Variants in RNF144A observed in about 807,000 individuals in gnomAD.
The protein encoded by RNF144A is ring finger protein 144A, also known as E3 ubiquitin-protein ligase RNF144A.
A neutral mutation model predicts 38.7 loss-of-function variants in RNF144A; 11 were observed. The ratio of observed to expected loss-of-function variants is 0.28; its 90% confidence interval spans 0.18 to 0.47. The LOEUF is 0.47. Ranked by LOEUF, RNF144A falls within the 20% of genes least tolerant of loss-of-function variation. The pLI, the probability that RNF144A is intolerant of heterozygous loss-of-function variation, is 0.99. For missense variants in RNF144A, 316 were observed against 377.2 expected (o/e 0.84, Z 1.34); for synonymous variants, 149 against 143.9 (o/e 1.04, Z -0.25).
chr2:7,019,396 A>G (rs956637463), intron 5 of RNF144A, among the ~76,000 whole-genome samples: 12 of 152,240 alleles, frequency 7.9e-5, no homozygotes, highest in African/African-American at 2.4e-4. Context: ...TAGGAATCCC[A>G]TGTGTGACAC....
At chr2:6,993,677 G>T (rs1014690136) in intron 2 of RNF144A, among the ~76,000 whole-genome samples, 2 of 152,172 alleles carry the variant, frequency 1.3e-5, no homozygotes, top group African/African-American at 2.4e-5. Context: ...GTGCATGGCT[G>T]TCGATAAGGG....
chr2:6,952,239 A>T (rs1386638484), intron 2 of RNF144A, among the ~76,000 whole-genome samples: 2 of 152,122 alleles, frequency 1.3e-5, no homozygotes, highest in East Asian at 3.8e-4. Flanking sequence ...TTATACTTCT[A>T]AGAGAAATCT....
At chr2:7,019,947 TAGA>T (rs577450702) in intron 5 of RNF144A, among the ~76,000 whole-genome samples, 20 of 152,206 alleles carry the variant, frequency 1.3e-4, no homozygotes, top group Non-Finnish European at 2.9e-4. Context: ...ACCATTTGGT[TAGA>T]AGAACAATCC....
chr2:6,963,420 G>A (rs181238318), intron 2 of RNF144A, among the ~76,000 whole-genome samples: 7 of 152,152 alleles, frequency 4.6e-5, no homozygotes, highest in Non-Finnish European at 7.3e-5. Context: ...TTCTGAGCTC[G>A]TAGACATTCC....
Position 7,037,851 on chromosome 2 carries a change from A to G in RNF144A, c.748-1778A>G, listed in dbSNP as rs764424153. On this transcript the variant is annotated intron_variant, in intron 8 of 8. Transcript: ENST00000320892. The stretch of plus-strand genomic sequence containing the variant: ...AGATGAGAAAACAGACCCAGGGAGA[A>G]GTGAAGGCTGAGTTGGAATGAGAAC... Among the ~76,000 whole-genome samples the G allele has an allele frequency of 3.9e-5, 6 of 152,204 alleles. No homozygotes were observed. The South Asian group carries it at 1.0e-3, about 26-fold the overall frequency.
chr2:7,019,527 G>A (rs1406359334), intron 5 of RNF144A, among the ~76,000 whole-genome samples: 6 of 152,156 alleles, frequency 3.9e-5, no homozygotes, highest in South Asian at 2.1e-4. Flanking sequence ...GAAGAGCCCC[G>A]CTGAAAACTT....
At chr2:7,072,358 A>C (rs915877626), downstream of RNF144A, among the ~76,000 whole-genome samples, 2 of 152,220 alleles carry the variant, frequency 1.3e-5, no homozygotes, top group African/African-American at 2.4e-5. Flanking sequence ...TAACAGAGGA[A>C]ATTTCAAAGC....
At chr2:7,008,983 T>C (rs1051194345) in intron 3 of RNF144A, among the ~76,000 whole-genome samples, 3 of 152,148 alleles carry the variant, frequency 2.0e-5, no homozygotes, top group Non-Finnish European at 4.4e-5. Flanking sequence ...ACAAAATCAT[T>C]CCGTCCACAT....
At chr2:7,044,453 A>T (rs1341830117), downstream of RNF144A, among the ~76,000 whole-genome samples, 2 of 152,212 alleles carry the variant, frequency 1.3e-5, no homozygotes, top group Admixed American at 1.3e-4. Flanking sequence ...CCGTCCAGCC[A>T]TTCCTGGCTC....
At chr2:6,939,999 GT>G (rs1182532358) in intron 1 of RNF144A, among the ~76,000 whole-genome samples, 1 of 151,870 alleles carries the variant, frequency 6.6e-6, no homozygotes, top group Non-Finnish European at 1.5e-5. Context: ...ACTCCCCCAA[GT>G]TTTTTTTCTT....
chr2:6,945,859 G>A (rs1010774230), intron 2 of RNF144A, among the ~76,000 whole-genome samples: 2 of 152,128 alleles, frequency 1.3e-5, no homozygotes, highest in Admixed American at 1.3e-4. Flanking sequence ...GCAGTTTTGA[G>A]CCTGCTGTGA....
chr2:7,028,731 A>G (rs1672085217), intron 7 of RNF144A, among the ~76,000 whole-genome samples: 1 of 152,218 alleles, frequency 6.6e-6, no homozygotes, highest in African/African-American at 2.4e-5. Flanking sequence ...GAGAGCTCAC[A>G]GTGATGGAAG....
At chr2:6,920,005 C>T (rs1326566319) in intron 1 of RNF144A, among the ~76,000 whole-genome samples, 2 of 152,204 alleles carry the variant, frequency 1.3e-5, no homozygotes, top group African/African-American at 4.8e-5. Context: ...TAGAGTAAGT[C>T]ACGTCTCCTG....
At chr2:6,923,626 C>T (rs1348920016) in intron 1 of RNF144A, among the ~76,000 whole-genome samples, 1 of 152,186 alleles carries the variant, frequency 6.6e-6, no homozygotes, top group Non-Finnish European at 1.5e-5. Context: ...TGGAGATGCT[C>T]TCCTCTGACA....
At chr2:6,979,374 T>G (rs1668495751) in intron 2 of RNF144A, among the ~76,000 whole-genome samples, 1 of 152,120 alleles carries the variant, frequency 6.6e-6, no homozygotes. Context: ...TCTGTGTGAT[T>G]ATGATTGGGG....
Position 7,041,617 on chromosome 2 carries a change from T to C in RNF144A, c.*1857T>C. On this transcript the variant is annotated 3_prime_UTR_variant, in exon 9 of 9. Coordinates refer to ENST00000320892, the MANE Select transcript of RNF144A (RefSeq NM_014746.6). ...GGGTGGCAACTCCACGCGGGAGTCA[T>C]TGGCTGGGCTTGAGCCCTCAGCCTG... The C allele has an allele frequency of 3.0e-6, 3 of 985,788 alleles. No homozygotes were observed. The highest frequency in any genetic ancestry group is 3.6e-6 in the Non-Finnish European group (3 of 829,984). 61.1% of individuals were successfully genotyped at this position (985,788 alleles called of 1,614,324 possible). A position where few individuals can be genotyped will look rare whatever the true frequency, so the allele number is the denominator to read the frequency against.
intron 2 of RNF144A, among the ~76,000 whole-genome samples, chr2:6,976,958 A>C (rs898003128): frequency 1.3e-5 from 2 of 152,242 alleles, no homozygotes; most frequent in Non-Finnish European, 2.9e-5. Flanking sequence ...TTAATATTAC[A>C]GACAATGCTG....
chr2:6,953,516 T>C (rs564938797), intron 2 of RNF144A, among the ~76,000 whole-genome samples: 1 of 152,368 alleles, frequency 6.6e-6, no homozygotes. Context: ...GTTCTACATA[T>C]TTTTAAAATT....
chr2:7,025,071 G>A (rs527439138), intron 7 of RNF144A, among the ~76,000 whole-genome samples: 36 of 152,124 alleles, frequency 2.4e-4, no homozygotes, highest in Non-Finnish European at 4.3e-4. Flanking sequence ...GCGGGAAAAC[G>A]TGCAAGCCCT....
Sources: gnomAD v4.1 joint callset for allele counts (sites outside exome capture counted in the v4.1 genomes callset) on GRCh38, gnomAD v4.1.1 for gene constraint, MANE v1.5 for transcripts, NCBI Gene and HGNC (gene_info 2026-07-23, HGNC 2026-07-21) for gene names.